The following PPP1R16B variants were observed in gnomAD, a reference collection of about 807,000 sequenced individuals.
PPP1R16B encodes the protein protein phosphatase 1 regulatory subunit 16B.
Under a neutral mutation model 61.7 loss-of-function variants are expected in PPP1R16B, and 14 were observed. The observed-to-expected ratio is 0.23, with a 90% CI of 0.15 to 0.35. The LOEUF (loss-of-function observed/expected upper bound fraction) is 0.35. Ranked by LOEUF, PPP1R16B falls within the 10% of genes least tolerant of loss-of-function variation. The pLI is 1.00. For missense variants in PPP1R16B, 547 were observed against 752.5 expected (o/e 0.73, Z 3.19); for synonymous variants, 266 against 305.3 (o/e 0.87, Z 1.34).
rs1383777084 is a variant in PPP1R16B, at chr20:38,897,293, A to G, written c.467+1583A>G. 2.0e-5 allele frequency among the ~76,000 whole-genome samples: 3 copies of G among 152,306 alleles called. No homozygotes were observed. In the East Asian group the frequency reaches 5.8e-4, roughly 29 times the overall value. The stretch of plus-strand genomic sequence containing the variant: ...AGTGAGCCAAGATTGTACCACTGCA[A>G]TCCACCCTGGGCGACGGAGTGAGAC... On this transcript the variant is annotated intron_variant, in intron 4 of 10. Coordinates refer to ENST00000299824, the MANE Select transcript of PPP1R16B (RefSeq NM_015568.4).
intron 2 of PPP1R16B, among the ~76,000 whole-genome samples, chr20:38,855,978 A>AGGAGGAG (rs1555804346): frequency 6.7e-5 from 2 of 29,752 alleles, no homozygotes; most frequent in South Asian, 1.3e-3. Flanking sequence ...AGAGAGAGAG[A>AGGAGGAG]GAGAAGGAGG....
At chr20:38,876,130 GC>G (rs1257596815) in intron 2 of PPP1R16B, among the ~76,000 whole-genome samples, 2 of 151,970 alleles carry the variant, frequency 1.3e-5, no homozygotes, top group African/African-American at 4.8e-5. Context: ...CTACCACCAT[GC>G]CCAGCTAAAT....
intron 1 of PPP1R16B, among the ~76,000 whole-genome samples, chr20:38,818,175 T>G (rs1395157483): frequency 6.6e-6 from 1 of 152,240 alleles, no homozygotes; most frequent in South Asian, 2.1e-4. Flanking sequence ...AGTTGTGACT[T>G]TGGGCGTGTC....
At chr20:38,882,333 G>A (rs1000082036) in intron 2 of PPP1R16B, among the ~76,000 whole-genome samples, 2 of 152,080 alleles carry the variant, frequency 1.3e-5, no homozygotes, top group African/African-American at 4.8e-5. Flanking sequence ...GCTCAAGGAA[G>A]GGTGTCTGCT....
At chr20:38,847,608 C>T (rs575842637) in intron 2 of PPP1R16B, among the ~76,000 whole-genome samples, 2 of 152,302 alleles carry the variant, frequency 1.3e-5, no homozygotes, top group East Asian at 3.9e-4. Flanking sequence ...CTGCCTGCCT[C>T]AGCCTCCCAA....
intron 2 of PPP1R16B, among the ~76,000 whole-genome samples, chr20:38,883,087 A>C (rs887003704): frequency 6.6e-6 from 1 of 152,128 alleles, no homozygotes; most frequent in Non-Finnish European, 1.5e-5. Context: ...AAAGGAAGGA[A>C]GAGAGATAGG....
intron 1 of PPP1R16B, among the ~76,000 whole-genome samples, chr20:38,816,200 T>C (rs1417891023): frequency 6.6e-6 from 1 of 152,192 alleles, no homozygotes; most frequent in Non-Finnish European, 1.5e-5. Flanking sequence ...TGTTCACAAA[T>C]AGGGTTTGTT....
In PPP1R16B at chr20:38,918,620, T is replaced by G; in HGVS notation, c.1658T>G (p.Ile553Arg). Residue 553 changes from isoleucine to arginine, a missense_variant, in exon 11 of 11, where the codon ATA becomes AGA. Coordinates refer to ENST00000299824, the MANE Select transcript of PPP1R16B (RefSeq NM_015568.4). This position sits in a 1 kb window ranked among gnomAD's most constrained non-coding sequence, Gnocchi z 5.3. ...DPPLLKFKAP[I>R]EEMEEKVHGC... ...CCACTCTTAAAGTTCAAGGCCCCCA[T>G]AGAGGAGATGGAGGAGAAGGTGCAT... The G allele has an allele frequency of 1.3e-6, 2 of 1,521,270 alleles. No homozygotes were observed. The highest frequency in any genetic ancestry group is 2.6e-5 in the South Asian group (2 of 75,572). The allele number at this position is 1,521,270 out of a possible 1,614,324, so 94.2% of individuals were successfully genotyped here.
At chr20:38,894,596 C>T (rs141861103) in intron 3 of PPP1R16B, among the ~76,000 whole-genome samples, 31 of 152,350 alleles carry the variant, frequency 2.0e-4, no homozygotes, top group African/African-American at 7.2e-4. Context: ...GACCAAGCCC[C>T]AAGCCCTTAT....
At chr20:38,859,824 T>C (rs554699012) in intron 2 of PPP1R16B, among the ~76,000 whole-genome samples, 1 of 152,306 alleles carries the variant, frequency 6.6e-6, no homozygotes, top group East Asian at 1.9e-4. Context: ...GCTACATTTT[T>C]AAAAGGTAAA....
chr20:38,874,796 G>C (rs1195143129), intron 2 of PPP1R16B, among the ~76,000 whole-genome samples: 2 of 152,178 alleles, frequency 1.3e-5, no homozygotes, highest in Non-Finnish European at 2.9e-5. Context: ...GGTCAAGTGT[G>C]GGGGTATTGG....
At chr20:38,905,279 G>T (rs2085430876) in intron 6 of PPP1R16B, among the ~76,000 whole-genome samples, 1 of 152,162 alleles carries the variant, frequency 6.6e-6, no homozygotes, top group South Asian at 2.1e-4. Context: ...GACTACTGGG[G>T]CTGCAGTCTC....
At chr20:38,820,914 G>A (rs1250871565) in intron 1 of PPP1R16B, among the ~76,000 whole-genome samples, 2 of 151,470 alleles carry the variant, frequency 1.3e-5, no homozygotes, top group African/African-American at 2.4e-5. Context: ...GGTGGCAGGC[G>A]CCTGTAGTCC....
chr20:38,865,617 G>A (rs2085085526), intron 2 of PPP1R16B, among the ~76,000 whole-genome samples: 1 of 152,120 alleles, frequency 6.6e-6, no homozygotes, highest in Non-Finnish European at 1.5e-5. Context: ...TGCGTCACCT[G>A]GTACACCTTC....
chr20:38,881,315 T>C (rs1433442148), intron 2 of PPP1R16B, among the ~76,000 whole-genome samples: 1 of 152,072 alleles, frequency 6.6e-6, no homozygotes, highest in Non-Finnish European at 1.5e-5. Context: ...CTCAGTGGGG[T>C]GATTTTTGGA....
chr20:38,815,359 G>T (rs1280224464), intron 1 of PPP1R16B, among the ~76,000 whole-genome samples: 1 of 152,126 alleles, frequency 6.6e-6, no homozygotes, highest in Non-Finnish European at 1.5e-5. Context: ...GGATCTTTAA[G>T]GCTATCTGAT....
intron 2 of PPP1R16B, among the ~76,000 whole-genome samples, chr20:38,871,277 A>G (rs1330002607): frequency 6.6e-6 from 1 of 152,150 alleles, no homozygotes; most frequent in East Asian, 1.9e-4. Context: ...CCCATGTTAC[A>G]TAAGAACATC....
chr20:38,907,149 T>C lies in PPP1R16B; in HGVS notation c.898+95T>C, dbSNP rs1014811623. 4.0e-6 allele frequency: 4 copies of C among 1,002,028 alleles called. No homozygotes were observed. Among genetic ancestry groups the C allele is most frequent in the Middle Eastern group, 4.2e-4 (2 of 4,814 alleles). 62.1% of individuals were successfully genotyped at this position (1,002,028 alleles called of 1,614,324 possible). On this transcript the variant is annotated intron_variant, in intron 8 of 10. Coordinates refer to ENST00000299824, the MANE Select transcript of PPP1R16B (RefSeq NM_015568.4). This position sits in a 1 kb window ranked among gnomAD's most constrained non-coding sequence, Gnocchi z 4.5. ...ATAGATAAATATATGGTTGTATAGA[T>C]TGATGGATTGGTGTCTAGATAGATA...
intron 2 of PPP1R16B, among the ~76,000 whole-genome samples, chr20:38,873,916 A>G (rs1601279764): frequency 1.3e-5 from 2 of 152,056 alleles, no homozygotes; most frequent in South Asian, 4.2e-4. Flanking sequence ...TTTAGTAGAG[A>G]CAGGGTTTCA....
Sources: gnomAD v4.1 joint callset for allele counts (sites outside exome capture counted in the v4.1 genomes callset) on GRCh38, gnomAD v4.1.1 for gene constraint, Gnocchi (gnomAD v3.1) non-coding constraint, MANE v1.5 for transcripts, NCBI Gene and HGNC (gene_info 2026-07-23, HGNC 2026-07-21) for gene names.